Variants in CHD7 observed in about 807,000 individuals in gnomAD.
The protein encoded by CHD7 is ATP-dependent chromatin remodeler CHD7.
In CHD7, 24 loss-of-function variants were observed where a neutral mutation model predicts 307.3. That is an observed-to-expected ratio of 0.08 (90% CI 0.06 to 0.11). CHD7 has a LOEUF of 0.11. CHD7 is among the 10% of genes least tolerant of loss of function. CHD7 has a pLI of 1.00. For missense variants in CHD7, 3,106 were observed against 3,727.1 expected, an observed-to-expected ratio of 0.83 and a Z score of 4.34; for synonymous variants, 1,363 against 1,349.9, an observed-to-expected ratio of 1.01 and a Z score of -0.21.
chr8:60,822,117 A>G lies in CHD7; in HGVS notation c.2929A>G (p.Asn977Asp). 6.2e-7 allele frequency: 1 copy of G among 1,613,780 alleles called. No individual in the cohort carries two copies. Among genetic ancestry groups the G allele is most frequent in the Non-Finnish European group, 8.5e-7 (1 of 1,179,734 alleles). Residue 977 changes from asparagine to aspartate, a missense_variant, in exon 11 of 38, where the codon AAC (asparagine) becomes GAC (aspartate). Physicochemically the swap from Asn to Asp is conservative, Grantham distance 23. Around this residue, in one of 10 missense-constraint regions of CHD7, gnomAD observed 188 missense variants for 261.7 expected, o/e 0.72. Transcript: ENST00000423902. ...KLREYQLEGV[N>D]WLLFNWYNMR... Reference sequence around the variant, plus strand: ...CAGGGAATACCAGTTGGAGGGAGTAAACTGGCTACTTTTCAATTGGTACAA... The same window carrying G: ...CAGGGAATACCAGTTGGAGGGAGTAGACTGGCTACTTTTCAATTGGTACAA...
intron 1 of CHD7, among the ~76,000 whole-genome samples, chr8:60,714,622 C>T (rs1415013635): frequency 1.3e-5 from 2 of 152,228 alleles, no homozygotes; most frequent in Non-Finnish European, 2.9e-5. Flanking sequence ...CCTGGTTCCG[C>T]CCTTTCTTGG....
At chr8:60,808,377 C>A (rs1384389844) in intron 7 of CHD7, 105 bp downstream of exon 7, 1 of 744,458 alleles carries the variant, frequency 1.3e-6, no homozygotes, top group Non-Finnish European at 2.2e-6. Context: ...GGTATGATTT[C>A]TTTAGTCATC....
At chr8:60,849,530 A>G (rs1000156658) in intron 25 of CHD7, among the ~76,000 whole-genome samples, 1 of 152,190 alleles carries the variant, frequency 6.6e-6, no homozygotes, top group Non-Finnish European at 1.5e-5. Flanking sequence ...ATTAATCTGT[A>G]CAAGTGCCTC....
At chr8:60,838,957 G>A (rs1804854094) in intron 19 of CHD7, among the ~76,000 whole-genome samples, 1 of 152,186 alleles carries the variant, frequency 6.6e-6, no homozygotes, top group Non-Finnish European at 1.5e-5. Context: ...CAATTAACCT[G>A]TCTTTCGTGT....
At chr8:60,684,083 G>T (rs1296089275) in intron 1 of CHD7, among the ~76,000 whole-genome samples, 1 of 152,066 alleles carries the variant, frequency 6.6e-6, no homozygotes, top group Non-Finnish European at 1.5e-5. Context: ...TTTCAGAGAA[G>T]GATTTTTTTG....
chr8:60,702,023 T>C (rs557958704), intron 1 of CHD7, among the ~76,000 whole-genome samples: 1 of 152,364 alleles, frequency 6.6e-6, no homozygotes, highest in South Asian at 2.1e-4. Context: ...ACATGGACTT[T>C]AAAAGTAGTG....
intron 1 of CHD7, among the ~76,000 whole-genome samples, chr8:60,703,955 C>T (rs989178569): frequency 3.9e-5 from 6 of 152,170 alleles, no homozygotes; most frequent in African/African-American, 9.7e-5. Context: ...TGCTTGCACC[C>T]CCTCTTTCAT....
At chr8:60,811,458 T>C (rs1212962220) in intron 7 of CHD7, among the ~76,000 whole-genome samples, 3 of 152,196 alleles carry the variant, frequency 2.0e-5, no homozygotes, top group African/African-American at 7.2e-5. Context: ...TTTGCTTTTT[T>C]TCACACTACA....
intron 2 of CHD7, among the ~76,000 whole-genome samples, chr8:60,767,869 G>GT (rs1311462070): frequency 6.6e-6 from 1 of 152,154 alleles, no homozygotes; most frequent in African/African-American, 2.4e-5. Flanking sequence ...ACGGTGAACT[G>GT]TCTAATAATT....
intron 1 of CHD7, among the ~76,000 whole-genome samples, chr8:60,736,144 T>C (rs1329915145): frequency 6.6e-6 from 1 of 152,166 alleles, no homozygotes; most frequent in Non-Finnish European, 1.5e-5. Context: ...GAAAATACTT[T>C]GTGGTGAACT....
At chr8:60,749,094 C>T (rs891599607) in intron 2 of CHD7, among the ~76,000 whole-genome samples, 5 of 151,666 alleles carry the variant, frequency 3.3e-5, no homozygotes, top group African/African-American at 4.8e-5. Context: ...ATTACAAGGC[C>T]GGGCGTGGTG....
rs2150578159 is a variant in CHD7 at position 60,741,849 on chromosome 8, G to A, written c.417G>A (p.Val139=). 1.2e-6 allele frequency: 2 copies of A among 1,613,840 alleles called. No homozygotes were observed. The highest frequency in any genetic ancestry group is 1.7e-6 in the Non-Finnish European group (2 of 1,179,840). The part of the protein sequence containing the change: ...MQNERHGQSF[V]DSSSMWGPRA... The stretch of plus-strand genomic sequence containing the variant: ...ATGAGAGGCATGGGCAATCCTTTGT[G>A]GACAGCAGCTCCATGTGGGGCCCCA... Residue 139 remains valine (V), a synonymous_variant, in exon 2 of 38, where the codon GTG becomes GTA. Coordinates refer to ENST00000423902, the MANE Select transcript of CHD7 (RefSeq NM_017780.4).
At chr8:60,727,613 C>T (rs2150555524) in intron 1 of CHD7, among the ~76,000 whole-genome samples, 1 of 152,278 alleles carries the variant, frequency 6.6e-6, no homozygotes, top group African/African-American at 2.4e-5. Flanking sequence ...ACTCCTCTGC[C>T]TGCCCTCTGA....
At chr8:60,808,177 A>T (rs778592137) in intron 6 of CHD7, 40 bp from the exon 7 acceptor site, 1 of 1,359,836 alleles carries the variant, frequency 7.4e-7, no homozygotes, top group Non-Finnish European at 1.0e-6. Context: ...ATTCTAGTAG[A>T]TGGTTTTAAA....
intron 8 of CHD7, among the ~76,000 whole-genome samples, chr8:60,817,823 T>C (rs1294802135): frequency 6.6e-6 from 1 of 152,282 alleles, no homozygotes; most frequent in East Asian, 1.9e-4. Context: ...TTAGCCTCCT[T>C]TTAGAAAGAG....
intron 1 of CHD7, among the ~76,000 whole-genome samples, chr8:60,733,429 G>C (rs1039313866): frequency 3.9e-5 from 6 of 152,186 alleles, no homozygotes; most frequent in Non-Finnish European, 7.3e-5. Flanking sequence ...ATGGAATGAA[G>C]ACCCTGCTGG....
chr8:60,836,188 G>T lies in CHD7; in HGVS notation c.3894G>T (p.Leu1298=). The T allele has an allele frequency of 6.2e-7, 1 of 1,613,956 alleles. No homozygotes were observed. Among genetic ancestry groups the T allele is most frequent in the Non-Finnish European group, 8.5e-7 (1 of 1,179,914 alleles). ...AAGKLVLIDK[L]LPKLKAGGHR... Reference sequence around the variant, plus strand: ...GCAAGCTAGTGCTGATTGACAAGCTGCTGCCAAAACTGAAGGCTGGTGGCC... The same window carrying T: ...GCAAGCTAGTGCTGATTGACAAGCTTCTGCCAAAACTGAAGGCTGGTGGCC... The change falls in exon 16 of 38, where the codon CTG becomes CTT. Residue 1298 remains leucine, a synonymous_variant. Transcript: ENST00000423902.
At chr8:60,704,553 T>C (rs542544851) in intron 1 of CHD7, among the ~76,000 whole-genome samples, 2 of 151,510 alleles carry the variant, frequency 1.3e-5, no homozygotes, top group African/African-American at 4.9e-5. Flanking sequence ...GGTTGCACCA[T>C]GTGCATAGAT....
chr8:60,856,958 T>C, intron 34 of CHD7, 70 bp downstream of exon 34: 3 of 1,365,418 alleles, frequency 2.2e-6, no homozygotes, highest in Non-Finnish European at 3.0e-6. Flanking sequence ...ATGCTCACGA[T>C]GCTGGGCTGT....
Sources: gnomAD v4.1 joint callset for allele counts (sites outside exome capture counted in the v4.1 genomes callset) on GRCh38, gnomAD v4.1.1 for gene constraint, gnomAD v4.1.1 regional missense constraint, MANE v1.5 for transcripts, NCBI Gene and HGNC (gene_info 2026-07-23, HGNC 2026-07-21) for gene names.